The following PPFIA2 variants were observed in gnomAD, a reference collection of about 807,000 sequenced individuals.
PPFIA2 encodes the protein liprin-alpha-2.
A neutral mutation model predicts 175.5 loss-of-function variants in PPFIA2; 46 were observed. The observed-to-expected ratio is 0.26, with a 90% confidence interval of 0.21 to 0.34. The LOEUF (loss-of-function observed/expected upper bound fraction) is 0.34. Among genes scored for constraint, PPFIA2 ranks in the 10% least tolerant of loss-of-function variants. The probability of loss-of-function intolerance (pLI) is 1.00; values close to 1 mark genes in which losing one functional copy is unlikely to be tolerated. For missense variants in PPFIA2, 1,179 were observed against 1,506.1 expected, an observed-to-expected ratio of 0.78 and a Z score of 3.60; for synonymous variants, 568 against 511.4, an observed-to-expected ratio of 1.11 and a Z score of -1.49.
intron 4 of PPFIA2, among the ~76,000 whole-genome samples, chr12:81,574,334 T>G (rs1008799532): frequency 6.6e-6 from 1 of 151,874 alleles, no homozygotes; most frequent in African/African-American, 2.4e-5. Flanking sequence ...AATTAGATTA[T>G]ACTTGAGTAC....
chr12:81,721,980 C>A (rs557837303), intron 3 of PPFIA2, among the ~76,000 whole-genome samples: 1 of 150,848 alleles, frequency 6.6e-6, no homozygotes, highest in Non-Finnish European at 1.5e-5. Context: ...ATGTGCTGTA[C>A]AATCATAATA....
At chr12:81,583,421 C>A (rs1446622303) in intron 4 of PPFIA2, among the ~76,000 whole-genome samples, 1 of 151,762 alleles carries the variant, frequency 6.6e-6, no homozygotes, top group Non-Finnish European at 1.5e-5. Flanking sequence ...CTTAACCTCA[C>A]CCTTTTCAAT....
In PPFIA2 at chr12:81,277,494, A is replaced by T. The variant is rs897738005; in HGVS notation, c.3213-80T>A. 1.1e-5 allele frequency: 15 copies of T among 1,367,160 alleles called. No homozygotes were observed. The African/African-American group carries it at 1.8e-4, about 16-fold the overall frequency. 84.7% of individuals were successfully genotyped at this position (1,367,160 alleles called of 1,614,324 possible). A position where few individuals can be genotyped will look rare whatever the true frequency, so the allele number is the denominator to read the frequency against. Reference sequence around the variant, plus strand: ...GAAAGTTTTGTGATTAGCCATAGTCAACACTATGCACTGCTTCTTAGGGCA... The same window carrying T: ...GAAAGTTTTGTGATTAGCCATAGTCTACACTATGCACTGCTTCTTAGGGCA... On this transcript the variant is annotated intron_variant, in intron 27 of 32. Transcript: ENST00000549396.
chr12:81,507,782 C>T (rs1319182048), intron 4 of PPFIA2, among the ~76,000 whole-genome samples: 1 of 152,132 alleles, frequency 6.6e-6, no homozygotes, highest in Non-Finnish European at 1.5e-5. Flanking sequence ...TTTGTCTCTC[C>T]TTTGTTCAAA....
chr12:81,355,173 G>GA (rs1192157555), intron 16 of PPFIA2, among the ~76,000 whole-genome samples: 8 of 152,048 alleles, frequency 5.3e-5, no homozygotes, highest in Admixed American at 2.0e-4. Flanking sequence ...TAGCAGGCAC[G>GA]AAAAAAACAA....
At chr12:81,729,267 C>T (rs1451490541) in intron 3 of PPFIA2, among the ~76,000 whole-genome samples, 2 of 151,388 alleles carry the variant, frequency 1.3e-5, no homozygotes, top group African/African-American at 2.4e-5. Context: ...ATAATTAGCA[C>T]TTAGAAGGCA....
intron 4 of PPFIA2, among the ~76,000 whole-genome samples, chr12:81,668,821 T>C (rs2070857227): frequency 6.6e-6 from 1 of 152,064 alleles, no homozygotes. Context: ...TTTGGGGTTT[T>C]AAAGATAACT....
At chr12:81,592,241 T>C (rs540422653) in intron 4 of PPFIA2, among the ~76,000 whole-genome samples, 1 of 152,248 alleles carries the variant, frequency 6.6e-6, no homozygotes, top group South Asian at 2.1e-4. Context: ...TTAGGAAGTA[T>C]GCAACTTGCT....
chr12:81,566,944 G>C (rs1159824271), intron 4 of PPFIA2, among the ~76,000 whole-genome samples: 1 of 152,192 alleles, frequency 6.6e-6, no homozygotes, highest in Non-Finnish European at 1.5e-5. Context: ...GTTTGTTTCA[G>C]GAAACAACTG....
intron 6 of PPFIA2, among the ~76,000 whole-genome samples, chr12:81,442,569 T>C (rs1007751670): frequency 1.3e-5 from 2 of 151,738 alleles, no homozygotes; most frequent in African/African-American, 2.4e-5. Context: ...CACAAGTATA[T>C]TTCTCATGTT....
Position 81,375,777 on chromosome 12 carries a change from C to G in PPFIA2, c.1131+19G>C, listed in dbSNP as rs761654133. ...GAGAACGCACAGACCAGAAGAAAAC[C>G]AAGACAGAGATACTGAACCTGCCGC... On this transcript the variant is annotated intron_variant, in intron 10 of 32. Transcript: ENST00000549396. 2 of 1,591,048 alleles carry G rather than the reference C, an allele frequency of 1.3e-6. No individual in the cohort carries two copies. Among genetic ancestry groups the G allele is most frequent in the South Asian group, 2.2e-5 (2 of 90,254 alleles).
intron 3 of PPFIA2, among the ~76,000 whole-genome samples, chr12:81,734,710 T>C (rs1175914896): frequency 6.6e-6 from 1 of 151,802 alleles, no homozygotes. Context: ...TATCACAAAA[T>C]TCCTTTGTGT....
At chr12:81,490,400 C>T (rs1292136958) in intron 4 of PPFIA2, among the ~76,000 whole-genome samples, 2 of 152,046 alleles carry the variant, frequency 1.3e-5, no homozygotes, top group East Asian at 3.9e-4. Context: ...CTGTCAGCAT[C>T]ATGTTTCTCC....
chr12:81,713,930 G>T (rs531000800), intron 3 of PPFIA2, among the ~76,000 whole-genome samples: 3 of 151,240 alleles, frequency 2.0e-5, no homozygotes, highest in African/African-American at 7.2e-5. Context: ...AAAAGTCGAA[G>T]ATAGAGGATA....
intron 4 of PPFIA2, among the ~76,000 whole-genome samples, chr12:81,462,476 T>A (rs2054747180): frequency 1.4e-5 from 2 of 146,910 alleles, no homozygotes; most frequent in Admixed American, 1.4e-4. Flanking sequence ...AACCTTCTGA[T>A]AATACTCTGT....
intron 4 of PPFIA2, among the ~76,000 whole-genome samples, chr12:81,637,928 T>C (rs1008076173): frequency 2.0e-5 from 3 of 152,182 alleles, no homozygotes; most frequent in Non-Finnish European, 2.9e-5. Flanking sequence ...AGGTATAGAT[T>C]TTAAACGAGA....
chr12:81,664,570 C>T (rs1474416609), intron 4 of PPFIA2, among the ~76,000 whole-genome samples: 1 of 152,036 alleles, frequency 6.6e-6, no homozygotes, highest in Non-Finnish European at 1.5e-5. Context: ...GAAATAGGAA[C>T]ACTTTTACAC....
intron 19 of PPFIA2, among the ~76,000 whole-genome samples, chr12:81,342,404 TTTTG>T (rs2058272607): frequency 6.6e-6 from 1 of 152,026 alleles, no homozygotes. Context: ...TAGGGAAATA[TTTTG>T]TTTGTTTTTA....
chr12:81,409,825 A>G (rs996960410), intron 7 of PPFIA2, among the ~76,000 whole-genome samples: 3 of 152,084 alleles, frequency 2.0e-5, no homozygotes, highest in African/African-American at 7.2e-5. Context: ...GTGCTAAACT[A>G]TTTTTATCTG....
Sources: allele counts gnomAD v4.1 joint callset (sites outside exome capture counted in the v4.1 genomes callset), GRCh38; gene constraint gnomAD v4.1.1; transcripts MANE v1.5; gene names NCBI Gene and HGNC (gene_info 2026-07-23, HGNC 2026-07-21).